Variants in RFX3 observed in about 807,000 individuals in gnomAD.
RFX3 encodes the protein regulatory factor X3.
In RFX3, 14 loss-of-function variants were observed where a neutral mutation model predicts 98.6. That is an observed-to-expected ratio of 0.14 (90% CI 0.09 to 0.22). The LOEUF (loss-of-function observed/expected upper bound fraction) is 0.22. Ranked by LOEUF, RFX3 falls within the 10% of genes least tolerant of loss-of-function variation. RFX3 has a pLI of 1.00. For synonymous variants in RFX3, 383 were observed against 328.4 expected (o/e 1.17, Z -1.80); for missense variants, 639 against 926.9 (o/e 0.69, Z 4.03).
intron 4 of RFX3, among the ~76,000 whole-genome samples, chr9:3,312,913 G>A (rs910586960): frequency 4.6e-5 from 7 of 152,328 alleles, no homozygotes; most frequent in African/African-American, 1.7e-4. Context: ...AGGCCTGCCT[G>A]CCTCTGTAGA....
At chr9:3,391,520 T>C (rs1400586238) in intron 2 of RFX3, among the ~76,000 whole-genome samples, 1 of 152,182 alleles carries the variant, frequency 6.6e-6, no homozygotes, top group Non-Finnish European at 1.5e-5. Flanking sequence ...ATCACCTGCC[T>C]TGAATGTCCC....
At chr9:3,417,916 G>C (rs1021532230) in intron 1 of RFX3, among the ~76,000 whole-genome samples, 3 of 152,178 alleles carry the variant, frequency 2.0e-5, no homozygotes, top group African/African-American at 7.2e-5. Flanking sequence ...GTCTTGGCCA[G>C]TAGTGACACT....
intron 4 of RFX3, among the ~76,000 whole-genome samples, chr9:3,308,912 A>C (rs950133782): frequency 1.3e-5 from 2 of 152,148 alleles, no homozygotes; most frequent in Non-Finnish European, 2.9e-5. Flanking sequence ...CCAAACTTTG[A>C]ATCCTTGAAA....
At chr9:3,493,820 A>G (rs1331419199) in intron 1 of RFX3, among the ~76,000 whole-genome samples, 2 of 150,502 alleles carry the variant, frequency 1.3e-5, no homozygotes, top group Non-Finnish European at 3.0e-5. Flanking sequence ...CTGCTTCACA[A>G]TTTCCCAACA....
chr9:3,313,594 G>GA (rs1365293976), intron 4 of RFX3, among the ~76,000 whole-genome samples: 6 of 152,108 alleles, frequency 3.9e-5, no homozygotes, highest in African/African-American at 1.4e-4. Context: ...GAGGATGTTC[G>GA]AACCCATCAC....
At chr9:3,511,220 T>C (rs890402392) in intron 1 of RFX3, among the ~76,000 whole-genome samples, 12 of 152,022 alleles carry the variant, frequency 7.9e-5, no homozygotes, top group Non-Finnish European at 1.5e-4. Context: ...CAAGGAAACA[T>C]CAGCTTTTAA....
intron 1 of RFX3, among the ~76,000 whole-genome samples, chr9:3,480,417 G>A (rs1404116173): frequency 6.6e-6 from 1 of 152,126 alleles, no homozygotes; most frequent in Admixed American, 6.6e-5. Flanking sequence ...TTTGCACCCA[G>A]ACCTGGAAGA....
chr9:3,485,568 ATTATTT>A (rs762396640), intron 1 of RFX3, among the ~76,000 whole-genome samples: 10 of 152,210 alleles, frequency 6.6e-5, no homozygotes, highest in Non-Finnish European at 1.2e-4. Context: ...TTTGTTATCA[ATTATTT>A]TTAAAGTGTA....
chr9:3,277,120 C>T (rs535870458), intron 8 of RFX3, among the ~76,000 whole-genome samples: 12 of 151,996 alleles, frequency 7.9e-5, no homozygotes, highest in South Asian at 2.1e-4. Flanking sequence ...TTAATTCATA[C>T]GCATAAAAGT....
At chr9:3,525,106 AAAG>A (rs890103296) in intron 1 of RFX3, among the ~76,000 whole-genome samples, 4 of 152,020 alleles carry the variant, frequency 2.6e-5, no homozygotes, top group African/African-American at 7.3e-5. Context: ...GATGATGGTG[AAAG>A]AAGAGCAGCC....
chr9:3,423,965 G>T (rs1363931909), intron 1 of RFX3, among the ~76,000 whole-genome samples: 1 of 151,582 alleles, frequency 6.6e-6, no homozygotes, highest in African/African-American at 2.4e-5. Context: ...GGCTAACATG[G>T]TGAAACCCCG....
rs567453663 is a variant in RFX3 at position 3,284,393 on chromosome 9, T to C, written c.851+3738A>G. 5.9e-5 allele frequency among the ~76,000 whole-genome samples: 9 copies of C among 151,912 alleles called. No homozygotes were observed. The South Asian group carries it at 1.9e-3, about 31-fold the overall frequency. On this transcript the variant is annotated intron_variant, in intron 7 of 16. Transcript: ENST00000617270. Reference sequence around the variant, plus strand: ...AAATTAGGGTAAACAAATTAGTCTATGAGTGCATTTCGTCAAAAACTGAAG... The same window carrying C: ...AAATTAGGGTAAACAAATTAGTCTACGAGTGCATTTCGTCAAAAACTGAAG...
rs76424271 is a variant in RFX3, at chr9:3,431,310, T to G, written c.-8-35714A>C. On this transcript the variant is annotated intron_variant, in intron 1 of 16. Coordinates refer to ENST00000617270, the MANE Select transcript of RFX3 (RefSeq NM_001282116.2). Reference sequence around the variant, plus strand: ...CCATATGAAGCAGCACTAGTGATGCTGCAAGTGCTCCCAAGAAGCTGAGAA... The same window carrying G: ...CCATATGAAGCAGCACTAGTGATGCGGCAAGTGCTCCCAAGAAGCTGAGAA... Among the ~76,000 whole-genome samples, 377 of 152,310 alleles carry G rather than the reference T, an allele frequency of 2.5e-3. 4 individuals carry two copies. In the East Asian group the frequency reaches 0.025, roughly 10 times the overall value.
intron 1 of RFX3, among the ~76,000 whole-genome samples, chr9:3,473,909 T>G (rs1268660211): frequency 6.6e-6 from 1 of 152,130 alleles, no homozygotes; most frequent in Non-Finnish European, 1.5e-5. Flanking sequence ...GAGAAATATT[T>G]TTAAACCTGG....
intron 1 of RFX3, among the ~76,000 whole-genome samples, chr9:3,476,109 G>A (rs748085085): frequency 3.3e-5 from 5 of 151,544 alleles, no homozygotes; most frequent in African/African-American, 7.3e-5. Flanking sequence ...ATTATAGAGC[G>A]AGTATTATTA....
At chr9:3,276,209 C>G (rs909598916) in intron 8 of RFX3, among the ~76,000 whole-genome samples, 1 of 152,100 alleles carries the variant, frequency 6.6e-6, no homozygotes, top group Non-Finnish European at 1.5e-5. Context: ...CCAACATGTG[C>G]TTTGTGGTGG....
intron 2 of RFX3, among the ~76,000 whole-genome samples, chr9:3,347,163 T>C (rs896324714): frequency 6.6e-6 from 1 of 151,900 alleles, no homozygotes; most frequent in Admixed American, 6.6e-5. Context: ...TTTACTAAAA[T>C]ACAAAAAGTA....
intron 5 of RFX3, among the ~76,000 whole-genome samples, chr9:3,300,004 C>CA (rs1373284274): frequency 4.7e-5 from 7 of 148,850 alleles, no homozygotes; most frequent in African/African-American, 1.8e-4. Flanking sequence ...CTGGAAACTT[C>CA]AGGTTTTTTT....
intron 2 of RFX3, among the ~76,000 whole-genome samples, chr9:3,366,759 T>G (rs886506215): frequency 6.9e-6 from 1 of 144,940 alleles, no homozygotes; most frequent in African/African-American, 2.7e-5. Flanking sequence ...TCTTTTTGGC[T>G]ATTCTTATGT....
Sources: gnomAD v4.1 joint callset for allele counts (sites outside exome capture counted in the v4.1 genomes callset) on GRCh38, gnomAD v4.1.1 for gene constraint, MANE v1.5 for transcripts, NCBI Gene and HGNC (gene_info 2026-07-23, HGNC 2026-07-21) for gene names.